Variants in ZNF33A observed in about 807,000 individuals in gnomAD.
ZNF33A encodes the protein zinc finger protein 33A.
ZNF33A carries 9 observed loss-of-function variants against 15.9 expected under a neutral mutation model. The ratio of observed to expected loss-of-function variants is 0.57; its 90% CI spans 0.34 to 0.99. The LOEUF (loss-of-function observed/expected upper bound fraction) is 0.99, where lower values mean the gene tolerates loss of function less well. Ranked by LOEUF, ZNF33A falls within the 50% of genes least tolerant of loss-of-function variation. The pLI is 0.02. For synonymous variants in ZNF33A, 294 were observed against 324.2 expected (o/e 0.91, Z 1.00); for missense variants, 843 against 941.6 (o/e 0.90, Z 1.37).
downstream of ZNF33A, among the ~76,000 whole-genome samples, chr10:38,067,261 A>AGTT (rs2066717043): frequency 1.3e-5 from 2 of 152,166 alleles, no homozygotes; most frequent in African/African-American, 4.8e-5. Context: ...TTCATTCTTA[A>AGTT]CATGGTGTAA....
intron 4 of ZNF33A, among the ~76,000 whole-genome samples, chr10:38,026,125 T>G (rs1398652426): frequency 6.6e-6 from 1 of 152,220 alleles, no homozygotes; most frequent in Non-Finnish European, 1.5e-5. Context: ...GGCTGTTTAA[T>G]CCATTCATCT....
At chr10:38,032,400 A>T (rs561843050) in intron 4 of ZNF33A, among the ~76,000 whole-genome samples, 2 of 152,164 alleles carry the variant, frequency 1.3e-5, no homozygotes, top group African/African-American at 2.4e-5. Flanking sequence ...GTATAAATCA[A>T]TCATTGTTAG....
At chr10:38,064,022 A>G (rs1372882649), downstream of ZNF33A, 2 of 1,478,754 alleles carry the variant, frequency 1.4e-6, no homozygotes, top group Middle Eastern at 2.3e-4. Flanking sequence ...CTTTCAGGCC[A>G]TCTTCACATC....
At chr10:38,062,627 G>C (rs1032321033), downstream of ZNF33A, among the ~76,000 whole-genome samples, 8 of 152,172 alleles carry the variant, frequency 5.3e-5, no homozygotes, top group Admixed American at 1.3e-4. Context: ...AGGATTGCTT[G>C]AGCCCAGGAG....
intron 4 of ZNF33A, among the ~76,000 whole-genome samples, chr10:38,025,244 G>C (rs1423400866): frequency 6.6e-6 from 1 of 152,158 alleles, no homozygotes; most frequent in Non-Finnish European, 1.5e-5. Flanking sequence ...GATGTTGGTA[G>C]AATATACACA....
chr10:38,029,482 GC>G (rs1564846473), intron 4 of ZNF33A, among the ~76,000 whole-genome samples: 1 of 152,096 alleles, frequency 6.6e-6, no homozygotes, highest in Non-Finnish European at 1.5e-5. Context: ...ATTTGAAGTC[GC>G]CTTTTTCCTG....
At chr10:38,031,963 CAAAATAAAAT>C (rs550189011) in intron 4 of ZNF33A, among the ~76,000 whole-genome samples, 26 of 151,534 alleles carry the variant, frequency 1.7e-4, no homozygotes, top group Admixed American at 8.6e-4. Context: ...TTCCATCTTA[CAAAATAAAAT>C]AAAATAAAAT....
At chr10:38,038,077 G>A (rs1431321716) in intron 4 of ZNF33A, among the ~76,000 whole-genome samples, 1 of 152,028 alleles carries the variant, frequency 6.6e-6, no homozygotes, top group Non-Finnish European at 1.5e-5. Context: ...GTATTTCCTT[G>A]ATTAAAGTTA....
chr10:38,040,308 T>C (rs1382834569), intron 4 of ZNF33A, among the ~76,000 whole-genome samples: 1 of 152,186 alleles, frequency 6.6e-6, no homozygotes, highest in Non-Finnish European at 1.5e-5. Context: ...ATCTCTTAGA[T>C]CTGGTTGCTT....
chr10:38,054,036 A>T (rs1468092348), intron 4 of ZNF33A, among the ~76,000 whole-genome samples: 1 of 152,196 alleles, frequency 6.6e-6, no homozygotes, highest in African/African-American at 2.4e-5. Flanking sequence ...TATTTGCTCC[A>T]CTTATGGTGA....
chr10:38,029,061 G>C (rs1264638077), intron 4 of ZNF33A, among the ~76,000 whole-genome samples: 3 of 152,062 alleles, frequency 2.0e-5, no homozygotes, highest in African/African-American at 7.3e-5. Context: ...TATCTTTTAA[G>C]TCCCGCAGGA....
chr10:38,057,479 A>G lies in ZNF33A; in HGVS notation c.*919A>G, dbSNP rs2066533222. ...GTGTTTCATATGCATAATGGAATTT[A>G]ACGTAATTGTGAATAGGAAGTAGGT... On this transcript the variant is annotated 3_prime_UTR_variant, in exon 5 of 5. Coordinates refer to ENST00000432900, the MANE Select transcript of ZNF33A (RefSeq NM_006954.2). The G allele has an allele frequency of 2.0e-6, 2 of 985,352 alleles. No homozygotes were observed. Among genetic ancestry groups the G allele is most frequent in the Non-Finnish European group, 2.4e-6 (2 of 829,946 alleles). 61.0% of individuals were successfully genotyped at this position (985,352 alleles called of 1,614,324 possible).
intron 4 of ZNF33A, among the ~76,000 whole-genome samples, chr10:38,048,536 C>T (rs1014638736): frequency 6.6e-6 from 1 of 152,058 alleles, no homozygotes; most frequent in Non-Finnish European, 1.5e-5. Context: ...TCCAGTCATG[C>T]TGCCTACAAA....
At chr10:38,049,479 A>G (rs2066100135) in intron 4 of ZNF33A, among the ~76,000 whole-genome samples, 1 of 152,138 alleles carries the variant, frequency 6.6e-6, no homozygotes, top group African/African-American at 2.4e-5. Flanking sequence ...GTGCGTATAT[A>G]TCTACCATAT....
rs117987394 is a variant in ZNF33A, at chr10:38,032,092, T to C, written c.250+14706T>C. 5.8e-3 allele frequency among the ~76,000 whole-genome samples: 887 copies of C among 152,242 alleles called. 51 individuals are homozygous for C. The East Asian group carries it at 0.12, about 21-fold the overall frequency. ...GTATCGCCAGTTTTACTGAATCTCA[T>C]AGAGGATCTACTGTCCATTACACAG... On this transcript the variant is annotated intron_variant, in intron 4 of 4. Transcript: ENST00000432900.
chr10:38,053,432 A>G (rs1284171020), intron 4 of ZNF33A, among the ~76,000 whole-genome samples: 3 of 152,032 alleles, frequency 2.0e-5, no homozygotes, highest in Non-Finnish European at 4.4e-5. Context: ...TCTTATAAGG[A>G]CACCAATGCC....
intron 2 of ZNF33A, among the ~76,000 whole-genome samples, chr10:38,013,260 G>T (rs1273775619): frequency 2.7e-5 from 4 of 150,098 alleles, no homozygotes; most frequent in African/African-American, 7.4e-5. Context: ...ACAGGCATGC[G>T]CCACCACACC....
At chr10:38,053,744 A>G (rs1378007642) in intron 4 of ZNF33A, among the ~76,000 whole-genome samples, 5 of 151,990 alleles carry the variant, frequency 3.3e-5, no homozygotes, top group Non-Finnish European at 7.4e-5. Flanking sequence ...TGGATTTCCC[A>G]CTAACCTGAG....
downstream of ZNF33A, among the ~76,000 whole-genome samples, chr10:38,065,540 G>A (rs1467316743): frequency 6.6e-6 from 1 of 152,140 alleles, no homozygotes; most frequent in Non-Finnish European, 1.5e-5. Flanking sequence ...ATACGATCAG[G>A]AAAGAAAGCT....
Sources: allele counts gnomAD v4.1 joint callset (sites outside exome capture counted in the v4.1 genomes callset), GRCh38; gene constraint gnomAD v4.1.1; transcripts MANE v1.5; gene names NCBI Gene and HGNC (gene_info 2026-07-23, HGNC 2026-07-21).